A4GALT: variants seen among roughly 807,000 people sequenced by gnomAD.
A4GALT encodes alpha 1,4-galactosyltransferase (P1PK blood group).
For missense variants in A4GALT, 512 were observed against 486.0 expected (o/e 1.05, Z -0.50); for synonymous variants, 257 against 220.7 (o/e 1.16, Z -1.46).
intron 1 of A4GALT, among the ~76,000 whole-genome samples, chr22:42,703,866 C>G (rs530980627): frequency 6.6e-6 from 1 of 152,150 alleles, no homozygotes; most frequent in Non-Finnish European, 1.5e-5. Flanking sequence ...GAAACAGCAC[C>G]GAGTACAGAA....
intron 1 of A4GALT, among the ~76,000 whole-genome samples, chr22:42,707,534 G>A (rs1921259241): frequency 1.3e-5 from 2 of 152,062 alleles, no homozygotes; most frequent in Admixed American, 6.6e-5. Context: ...GCACATGCAT[G>A]TAGTCCCAGC....
intron 1 of A4GALT, among the ~76,000 whole-genome samples, chr22:42,703,927 A>G (rs1054216087): frequency 1.3e-5 from 2 of 152,094 alleles, no homozygotes; most frequent in East Asian, 1.9e-4. Flanking sequence ...AGATTTGGCA[A>G]CGTGACCTTG....
intron 1 of A4GALT, among the ~76,000 whole-genome samples, chr22:42,705,598 C>CAAAAAAA (rs68144596): frequency 2.8e-5 from 2 of 72,126 alleles, no homozygotes; most frequent in Non-Finnish European, 3.3e-5. Flanking sequence ...GATTCTGTCT[C>CAAAAAAA]AAAAAAAAAA....
chr22:42,698,889 C>T (rs888891951), intron 1 of A4GALT, among the ~76,000 whole-genome samples: 2 of 152,078 alleles, frequency 1.3e-5, no homozygotes, highest in Admixed American at 6.6e-5. Flanking sequence ...GACCTCTGGT[C>T]GTCCTCTCTG....
At chr22:42,707,789 A>C (rs1921284416) in intron 1 of A4GALT, among the ~76,000 whole-genome samples, 2 of 152,148 alleles carry the variant, frequency 1.3e-5, no homozygotes, top group African/African-American at 4.8e-5. Flanking sequence ...AAGGATAAAA[A>C]TAAATAAAGC....
chr22:42,715,231 C>T (rs1922068033), intron 1 of A4GALT, among the ~76,000 whole-genome samples: 1 of 152,032 alleles, frequency 6.6e-6, no homozygotes, highest in Admixed American at 6.6e-5. Context: ...ACATTGTCTC[C>T]CACCTTAAGG....
intron 1 of A4GALT, among the ~76,000 whole-genome samples, chr22:42,696,996 A>G (rs1012010346): frequency 2.0e-5 from 3 of 146,868 alleles, no homozygotes; most frequent in African/African-American, 7.6e-5. Context: ...TCGTTTCCTC[A>G]TCCTTGCATT....
In A4GALT at chr22:42,692,378, G is replaced by T; in HGVS notation, c.*512C>A. On this transcript the variant is annotated 3_prime_UTR_variant, in exon 3 of 3. Transcript: ENST00000642412. The surrounding 1 kb of genome is among the most constrained non-coding windows in gnomAD (Gnocchi z 4.6). ...GCCTCTGCCCCACTCAGTCCCTGTTGACCTCCCCCACCCCCCGCGAAAGAG... is the reference window on the plus strand; with the variant it reads ...GCCTCTGCCCCACTCAGTCCCTGTTTACCTCCCCCACCCCCCGCGAAAGAG... 3.2e-6 allele frequency: 1 copy of T among 315,270 alleles called. No individual in the cohort carries two copies. Among genetic ancestry groups the T allele is most frequent in the Non-Finnish European group, 6.2e-6 (1 of 160,342 alleles). The allele number at this position is 315,270 out of a possible 1,614,324, so 19.5% of individuals were successfully genotyped here.
Position 42,693,743 on chromosome 22 carries a change from G to A in A4GALT, c.209C>T (p.Pro70Leu), listed in dbSNP as rs1360171998. ...GTTGCCTGGAGTGGGGCCGTGGGAG[G>A]GTGGGGTGGGGGGTGTCAAGGTGGG... ...PCPTLTPPTP[P>L]SHGPTPGNIF... The change falls in exon 3 of 3, where the codon CCC becomes CTC. Residue 70 changes from proline to leucine, a missense_variant. Physicochemically the swap from Pro to Leu is moderately conservative, Grantham distance 98. Transcript: ENST00000642412. 6.2e-7 allele frequency: 1 copy of A among 1,610,114 alleles called. No homozygotes were observed. The highest frequency in any genetic ancestry group is 8.5e-7 in the Non-Finnish European group (1 of 1,178,342).
chr22:42,702,498 C>A (rs1482453838), intron 1 of A4GALT, among the ~76,000 whole-genome samples: 1 of 152,186 alleles, frequency 6.6e-6, no homozygotes, highest in Non-Finnish European at 1.5e-5. Context: ...CCATGTCTGG[C>A]TAATTTTTTT....
In A4GALT at chr22:42,693,166, A is replaced by T; in HGVS notation, c.786T>A (p.Cys262Ter). ...GGCTCTCGGCCAGGCTGCGGATGGA[A>T]CACCACTTCTTGAAGACCCGCGTGA... is the stretch of plus-strand genomic sequence containing the variant. ...QLLTRVFKKWCSIRSLAESRA... is the reference protein window; with the variant it reads ...QLLTRVFKKW Residue 262 changes from cysteine (C) to a stop codon, truncating the protein, a stop_gained, in exon 3 of 3, where the codon TGT becomes TGA. Coordinates refer to ENST00000642412, the MANE Select transcript of A4GALT (RefSeq NM_017436.7). LOFTEE classifies it low-confidence loss of function (END_TRUNC). 1 of 1,598,048 alleles carries T rather than the reference A, an allele frequency of 6.3e-7. No homozygotes were observed. The highest frequency in any genetic ancestry group is 1.1e-5 in the South Asian group (1 of 89,476).
chr22:42,699,053 G>C (rs1931127438), intron 1 of A4GALT, among the ~76,000 whole-genome samples: 1 of 151,922 alleles, frequency 6.6e-6, no homozygotes, highest in African/African-American at 2.4e-5. Flanking sequence ...GCAGCCCTAG[G>C]GGCTGCTCTA....
chr22:42,695,504 C>T lies in A4GALT; in HGVS notation c.-60G>A, dbSNP rs998163793. The T allele has an allele frequency of 2.6e-5, 4 of 151,878 alleles. No homozygotes were observed. Among genetic ancestry groups the T allele is most frequent in the Admixed American group, 2.0e-4 (3 of 15,252 alleles). 9.4% of individuals were successfully genotyped at this position (151,878 alleles called of 1,614,324 possible). On this transcript the variant is annotated 5_prime_UTR_variant, in exon 2 of 3. Coordinates refer to ENST00000642412, the MANE Select transcript of A4GALT (RefSeq NM_017436.7). ...CTGGTAACTGACCAGCCTGGGCAGC[C>T]CATTGCAGAGAGGTGGGGATCCTGG...
At chr22:42,717,806 A>T (rs1454121150) in intron 1 of A4GALT, among the ~76,000 whole-genome samples, 2 of 152,156 alleles carry the variant, frequency 1.3e-5, no homozygotes, top group Non-Finnish European at 2.9e-5. Context: ...GAGCCAAATG[A>T]TAAACTGGGG....
At chr22:42,705,173 ACCT>A (rs1920980737) in intron 1 of A4GALT, among the ~76,000 whole-genome samples, 1 of 152,032 alleles carries the variant, frequency 6.6e-6, no homozygotes, top group Admixed American at 6.6e-5. Context: ...TTCCACCAAA[ACCT>A]CCTGTTAATT....
chr22:42,703,821 T>C (rs545716502), intron 1 of A4GALT, among the ~76,000 whole-genome samples: 2 of 152,268 alleles, frequency 1.3e-5, no homozygotes, highest in East Asian at 3.9e-4. Context: ...CGCCAAGAAC[T>C]CTGAGGGATC....
Position 42,696,192 on chromosome 22 carries a change from G to A in A4GALT, c.-187-561C>T, listed in dbSNP as rs550074803. On this transcript the variant is annotated intron_variant, in intron 1 of 2. Transcript: ENST00000642412. ...TCCCAGCACTTTGGGAGGCCAAGGTGGGCAGATCACTTGAGGTCGGGAATT... is the reference window on the plus strand; with the variant it reads ...TCCCAGCACTTTGGGAGGCCAAGGTAGGCAGATCACTTGAGGTCGGGAATT... 5.3e-5 allele frequency among the ~76,000 whole-genome samples: 8 copies of A among 150,686 alleles called. No homozygotes were observed. In the East Asian group the frequency reaches 1.6e-3, roughly 30 times the overall value.
intron 1 of A4GALT, among the ~76,000 whole-genome samples, chr22:42,701,921 T>TA (rs1048579016): frequency 2.0e-5 from 3 of 152,124 alleles, no homozygotes; most frequent in African/African-American, 7.2e-5. Context: ...GATCCCACCC[T>TA]ACGTAGTCCA....
Position 42,693,215 on chromosome 22 carries a change from C to G in A4GALT, c.737G>C (p.Trp246Ser). The change falls in exon 3 of 3, where the codon TGG becomes TCG. Residue 246 changes from tryptophan (W) to serine (S), a missense_variant. By Grantham distance (177) the Trp-to-Ser change is radical. Transcript: ENST00000642412. ...DFVDHYNGWI[W>S]GHQGPQLLTR... ...GAGCAGCTGCGGGCCCTGGTGACCC[C>G]AGATCCAGCCGTTGTAGTGGTCCAC... 6.2e-7 allele frequency: 1 copy of G among 1,606,168 alleles called. No individual in the cohort carries two copies. The highest frequency in any genetic ancestry group is 8.5e-7 in the Non-Finnish European group (1 of 1,177,156).
Sources: allele counts gnomAD v4.1 joint callset (sites outside exome capture counted in the v4.1 genomes callset), GRCh38; gene constraint gnomAD v4.1.1; non-coding constraint Gnocchi (gnomAD v3.1); transcripts MANE v1.5; gene names NCBI Gene and HGNC (gene_info 2026-07-23, HGNC 2026-07-21).